The following VWDE variants were observed in gnomAD, a reference collection of about 807,000 sequenced individuals.
VWDE encodes the protein von Willebrand factor D and EGF domains.
Under a neutral mutation model 178.4 loss-of-function variants are expected in VWDE, and 207 were observed. The ratio of observed to expected loss-of-function variants is 1.16; its 90% CI spans 1.04 to 1.30. The LOEUF (loss-of-function observed/expected upper bound fraction) is 1.30, where lower values mean the gene tolerates loss of function less well. VWDE is among the 50% of genes most tolerant of loss of function. The pLI, the probability that VWDE is intolerant of heterozygous loss-of-function variation, is 0.00. For missense variants in VWDE, 2,287 were observed against 1,901.3 expected (o/e 1.20, Z -3.77); for synonymous variants, 738 against 651.4 (o/e 1.13, Z -2.02).
rs116392216 is a variant in VWDE, at chr7:12,362,965, C to A, written c.2899-1444G>T. On this transcript the variant is annotated intron_variant, in intron 13 of 28. Coordinates refer to ENST00000275358, the MANE Select transcript of VWDE (RefSeq NM_001135924.3). Reference sequence around the variant, plus strand: ...CTGGCAATATAGAGATTATTCCCAACTTTCTATTTCAAGGGGCCTACCCAA... The same window carrying A: ...CTGGCAATATAGAGATTATTCCCAAATTTCTATTTCAAGGGGCCTACCCAA... Among the ~76,000 whole-genome samples the A allele has an allele frequency of 3.7e-3, 569 of 152,176 alleles. 1 individual carries two copies. Among genetic ancestry groups the A allele is most frequent in the African/African-American group, 0.013 (520 of 41,536 alleles).
chr7:12,378,154 A>G (rs1469542557), intron 6 of VWDE, among the ~76,000 whole-genome samples: 1 of 152,174 alleles, frequency 6.6e-6, no homozygotes, highest in Non-Finnish European at 1.5e-5. Context: ...TGGTTCCCCA[A>G]CACATTTGGC....
intron 7 of VWDE, among the ~76,000 whole-genome samples, chr7:12,376,400 C>A (rs1366738218): frequency 6.6e-6 from 1 of 151,998 alleles, no homozygotes; most frequent in East Asian, 1.9e-4. Flanking sequence ...TTTTCTTCAA[C>A]AAACAAAAGC....
chr7:12,364,402 T>A (rs1782748544), intron 13 of VWDE, among the ~76,000 whole-genome samples: 1 of 152,106 alleles, frequency 6.6e-6, no homozygotes, highest in Non-Finnish European at 1.5e-5. Context: ...AGGAAAAATA[T>A]GAGTCTGGAA....
intron 1 of VWDE, among the ~76,000 whole-genome samples, chr7:12,396,357 G>A (rs1443568846): frequency 8.0e-6 from 1 of 124,692 alleles, no homozygotes; most frequent in Admixed American, 7.6e-5. Context: ...AGATAAACAT[G>A]CATAACCCTT....
chr7:12,332,465 A>G (rs1320616265), intron 28 of VWDE, among the ~76,000 whole-genome samples: 1 of 152,152 alleles, frequency 6.6e-6, no homozygotes, highest in Non-Finnish European at 1.5e-5. Flanking sequence ...AATATAGAGC[A>G]GCCACCTAGT....
At chr7:12,348,673 C>T (rs543474332) in intron 19 of VWDE, among the ~76,000 whole-genome samples, 2,099 of 147,302 alleles carry the variant, frequency 0.014, 43 homozygotes, top group African/African-American at 0.051. Flanking sequence ...TGTGGCGATT[C>T]CTCAGGGATC....
rs1332492996 is a variant in VWDE, at chr7:12,356,202, G to A, written c.3654C>T (p.Asp1218=). Reference sequence around the variant, plus strand: ...AAGGGTTGGATTGGCACCCACTAATGTCCACTTCACAAAGGCTGCCATGGA... The same window carrying A: ...AAGGGTTGGATTGGCACCCACTAATATCCACTTCACAAAGGCTGCCATGGA... The part of the protein sequence containing the change: ...PGFHGSLCEV[D]ISGCQSNPCG... Residue 1218 remains aspartate, a synonymous_variant, in exon 18 of 29, where the codon GAC becomes GAT. Transcript: ENST00000275358. 3.9e-6 allele frequency: 6 copies of A among 1,551,482 alleles called. No individual in the cohort carries two copies. The Admixed American group carries it at 9.8e-5, about 25-fold the overall frequency.
intron 19 of VWDE, 40 bp downstream of exon 19, chr7:12,351,533 A>T (rs1251607312): frequency 1.7e-5 from 25 of 1,508,400 alleles, no homozygotes; most frequent in Non-Finnish European, 2.2e-5. Context: ...AAGTAAGAGG[A>T]ATTACTTGTC....
chr7:12,368,791 A>T (rs1038716595), intron 12 of VWDE, among the ~76,000 whole-genome samples: 2 of 152,118 alleles, frequency 1.3e-5, no homozygotes, highest in African/African-American at 4.8e-5. Flanking sequence ...GGTGGCTTGG[A>T]CTATGGTTGT....
At chr7:12,338,021 A>G (rs1023968418) in intron 24 of VWDE, among the ~76,000 whole-genome samples, 6 of 152,130 alleles carry the variant, frequency 3.9e-5, no homozygotes, top group African/African-American at 1.4e-4. Flanking sequence ...TTCTTCCTAA[A>G]TAATAATTAA....
intron 1 of VWDE, among the ~76,000 whole-genome samples, chr7:12,396,822 C>A (rs1046384423): frequency 1.6e-4 from 25 of 151,838 alleles, no homozygotes; most frequent in African/African-American, 6.0e-4. Context: ...GTAATCCCAA[C>A]TACTCGGGAG....
At chr7:12,386,717 A>G (rs1784115922) in intron 3 of VWDE, among the ~76,000 whole-genome samples, 1 of 152,126 alleles carries the variant, frequency 6.6e-6, no homozygotes, top group Non-Finnish European at 1.5e-5. Context: ...TTCGCTGGTG[A>G]CGCTTCATTA....
intron 27 of VWDE, among the ~76,000 whole-genome samples, chr7:12,334,547 C>G (rs143012144): frequency 6.6e-6 from 1 of 152,266 alleles, no homozygotes; most frequent in African/African-American, 2.4e-5. Context: ...TGATACATAT[C>G]ATAGATTTGA....
chr7:12,379,308 T>G (rs910689488), intron 6 of VWDE, among the ~76,000 whole-genome samples, 169 bp downstream of exon 6: 1 of 152,210 alleles, frequency 6.6e-6, no homozygotes, highest in African/African-American at 2.4e-5. Flanking sequence ...CCTCAAACTT[T>G]GTTGCGCATT....
intron 23 of VWDE, among the ~76,000 whole-genome samples, chr7:12,341,816 T>A (rs1164157638): frequency 6.6e-6 from 1 of 151,990 alleles, no homozygotes; most frequent in Admixed American, 6.5e-5. Flanking sequence ...GAGGGAAATA[T>A]AAAAGCAAAA....
At chr7:12,363,564 G>T (rs1380307999) in intron 13 of VWDE, among the ~76,000 whole-genome samples, 2 of 151,992 alleles carry the variant, frequency 1.3e-5, no homozygotes, top group Non-Finnish European at 1.5e-5. Context: ...AAAAAAGCAT[G>T]TAAAATATGT....
chr7:12,333,796 A>G (rs1562455214), intron 27 of VWDE: 2 of 350,862 alleles, frequency 5.7e-6, no homozygotes, highest in Non-Finnish European at 1.0e-5. Context: ...TTGGAATTCT[A>G]TAAAGATATT....
chr7:12,397,596 C>T (rs1341227544), intron 1 of VWDE, among the ~76,000 whole-genome samples: 1 of 152,126 alleles, frequency 6.6e-6, no homozygotes, highest in Non-Finnish European at 1.5e-5. Context: ...AGTTTCTCCA[C>T]AGCAAAATAA....
rs541910909 is a variant in VWDE, at chr7:12,357,912, C to T, written c.3275-397G>A. Among the ~76,000 whole-genome samples the T allele has an allele frequency of 7.2e-5, 11 of 152,228 alleles. No homozygotes were observed. In the South Asian group the frequency reaches 2.3e-3, roughly 32 times the overall value. ...CTTTAAGCCTCACTTTCTCCCTCTA[C>T]TCCCTTTCTCTATTCCTCCCTCACT... On this transcript the variant is annotated intron_variant, in intron 16 of 28. Coordinates refer to ENST00000275358, the MANE Select transcript of VWDE (RefSeq NM_001135924.3).
Sources: allele counts gnomAD v4.1 joint callset (sites outside exome capture counted in the v4.1 genomes callset), GRCh38; gene constraint gnomAD v4.1.1; transcripts MANE v1.5; gene names NCBI Gene and HGNC (gene_info 2026-07-23, HGNC 2026-07-21).